IARS1: variants seen among roughly 807,000 people sequenced by gnomAD.
IARS1 encodes the protein isoleucine--tRNA ligase, cytoplasmic.
A neutral mutation model predicts 168.2 loss-of-function variants in IARS1; 124 were observed. The observed-to-expected ratio is 0.74, with a 90% CI of 0.64 to 0.86. IARS1 has a LOEUF of 0.86. IARS1 is among the 40% of genes least tolerant of loss of function. The probability of loss-of-function intolerance (pLI) is 0.00; values close to 1 mark genes in which losing one functional copy is unlikely to be tolerated. For synonymous variants in IARS1, 532 were observed against 529.4 expected (o/e 1.00, Z -0.07); for missense variants, 1,452 against 1,515.8 (o/e 0.96, Z 0.70).
chr9:92,245,285 C>A (rs79515420), intron 26 of IARS1, among the ~76,000 whole-genome samples: 1 of 152,304 alleles, frequency 6.6e-6, no homozygotes, highest in East Asian at 1.9e-4. Context: ...ACAGTTAAGT[C>A]ATCACCAGTA....
chr9:92,213,525 G>A (rs778308682), intron 33 of IARS1, among the ~76,000 whole-genome samples: 4 of 152,230 alleles, frequency 2.6e-5, no homozygotes, highest in Admixed American at 1.3e-4. Flanking sequence ...CTGAAGTGAT[G>A]TGGCCACAAG....
In IARS1 at chr9:92,223,297, C is replaced by T. The variant is rs185921740; in HGVS notation, c.3553+49G>A. On this transcript the variant is annotated intron_variant, in intron 32 of 33. Coordinates refer to ENST00000443024, the MANE Select transcript of IARS1 (RefSeq NM_002161.6). ...ACACATATTTGAATATTAAAGACAA[C>T]TTCAATGCCCAGCACCCCACAGTCT... 6 of 1,526,566 alleles carry T rather than the reference C, an allele frequency of 3.9e-6. No homozygotes were observed. The East Asian group carries it at 1.4e-4, about 35-fold the overall frequency. The allele number at this position is 1,526,566 out of a possible 1,614,324, so 94.6% of individuals were successfully genotyped here.
chr9:92,252,526 A>AGAGGCT, intron 21 of IARS1: 1 of 427,712 alleles, frequency 2.3e-6, no homozygotes, highest in East Asian at 7.0e-5. Context: ...CACTGCTTTG[A>AGAGGCT]GAGGCTGAGG....
intron 28 of IARS1, 29 bp downstream of exon 28, chr9:92,243,187 A>G (rs1167202075): frequency 6.4e-7 from 1 of 1,558,054 alleles, no homozygotes; most frequent in Non-Finnish European, 8.9e-7. Flanking sequence ...AAGCCAAAAC[A>G]GTAGCTTATT....
In IARS1 at chr9:92,229,238, T is replaced by C. The variant is rs539256193; in HGVS notation, c.3284-112A>G. The C allele has an allele frequency of 1.7e-4, 163 of 982,600 alleles. 5 individuals are homozygous for C. In the South Asian group the frequency reaches 2.6e-3, roughly 15 times the overall value. 60.9% of individuals were successfully genotyped at this position (982,600 alleles called of 1,614,324 possible). ...GTTCAAGCCCTAATATTTTTCCTTT[T>C]CCCCCAACTATACACTATATATATG... On this transcript the variant is annotated intron_variant, in intron 30 of 33. Coordinates refer to ENST00000443024, the MANE Select transcript of IARS1 (RefSeq NM_002161.6).
At position 92,250,187 on chromosome 9, in the gene IARS1, C is replaced by T; in HGVS notation, c.2532G>A (p.Lys844=). Residue 844 remains lysine (K), a splice_region_variant and synonymous_variant, in exon 24 of 34, where the codon AAG becomes AAA. Coordinates refer to ENST00000443024, the MANE Select transcript of IARS1 (RefSeq NM_002161.6). The part of the protein sequence containing the change: ...VIRDRKTIPI[K]YPLKEIVVIH... Reference sequence around the variant, plus strand: ...GTAAAATAGAAGTAAAATTTCAAACCTTTATGGGAATAGTTTTTCGGTCTC... The same window carrying T: ...GTAAAATAGAAGTAAAATTTCAAACTTTTATGGGAATAGTTTTTCGGTCTC... The T allele has an allele frequency of 6.3e-7, 1 of 1,591,992 alleles. No individual in the cohort carries two copies. The highest frequency in any genetic ancestry group is 8.6e-7 in the Non-Finnish European group (1 of 1,160,056).
At chr9:92,225,590 T>TA (rs1554723886) in intron 31 of IARS1, among the ~76,000 whole-genome samples, 1,638 of 151,336 alleles carry the variant, frequency 0.011, 40 homozygotes, top group African/African-American at 0.038. Context: ...TTTTTTTTTT[T>TA]AATCTACTAG....
chr9:92,282,531 G>A (rs1423814462), intron 6 of IARS1, among the ~76,000 whole-genome samples: 2 of 151,950 alleles, frequency 1.3e-5, no homozygotes, highest in African/African-American at 2.4e-5. Flanking sequence ...GGCACTTTGG[G>A]AGGCCAAGGC....
chr9:92,284,570 A>G (rs1024143826), intron 6 of IARS1, among the ~76,000 whole-genome samples: 11 of 152,156 alleles, frequency 7.2e-5, no homozygotes, highest in Admixed American at 6.5e-4. Context: ...GTGGATCGCA[A>G]GGTCAGGAGT....
intron 10 of IARS1, among the ~76,000 whole-genome samples, chr9:92,273,831 T>C (rs1201249889): frequency 6.6e-6 from 1 of 152,356 alleles, no homozygotes; most frequent in East Asian, 1.9e-4. Context: ...GGAATGTGTA[T>C]GTAGGTGCTA....
At chr9:92,219,968 C>T (rs374789530) in intron 33 of IARS1, among the ~76,000 whole-genome samples, 2,135 of 150,820 alleles carry the variant, frequency 0.014, 28 homozygotes, top group African/African-American at 0.049. Flanking sequence ...CACATGCACA[C>T]GTATGTTTAT....
intron 26 of IARS1, among the ~76,000 whole-genome samples, chr9:92,246,177 T>C (rs913884923): frequency 2.6e-5 from 4 of 152,234 alleles, no homozygotes; most frequent in Admixed American, 6.5e-5. Flanking sequence ...AGTTGATTAG[T>C]AATTAGTAAT....
At chr9:92,287,735 A>T in intron 4 of IARS1, 56 bp downstream of exon 4, 1 of 1,554,564 alleles carries the variant, frequency 6.4e-7, no homozygotes, top group East Asian at 2.3e-5. Context: ...AACCATTTCA[A>T]TGCCCATTTA....
intron 13 of IARS1, 139 bp downstream of exon 13, chr9:92,269,745 TA>T: frequency 1.7e-6 from 1 of 580,862 alleles, no homozygotes; most frequent in Non-Finnish European, 3.1e-6. Flanking sequence ...TTTGTGCTCC[TA>T]AACACACAGA....
At position 92,238,864 on chromosome 9, in the gene IARS1, C is replaced by T. The variant is rs546359642; in HGVS notation, c.3283+1992G>A. 1.8e-4 allele frequency among the ~76,000 whole-genome samples: 28 copies of T among 152,206 alleles called. 1 individual carries two copies. The Middle Eastern group carries it at 0.01, about 55-fold the overall frequency. ...ATTGTCTTAACTATTATTTCTTGTT[C>T]AGTAAATCCTTAATGTTGCTGGTAG... On this transcript the variant is annotated intron_variant, in intron 30 of 33. Coordinates refer to ENST00000443024, the MANE Select transcript of IARS1 (RefSeq NM_002161.6).
chr9:92,264,970 A>C lies in IARS1; in HGVS notation c.1659T>G (p.Pro553=). 1 of 1,614,150 alleles carries C rather than the reference A, an allele frequency of 6.2e-7. No individual in the cohort carries two copies. The highest frequency in any genetic ancestry group is 1.7e-5 in the Admixed American group (1 of 60,000). Residue 553 remains proline (P), a synonymous_variant, in exon 16 of 34, where the codon CCT becomes CCG. Coordinates refer to ENST00000443024, the MANE Select transcript of IARS1 (RefSeq NM_002161.6). The part of the protein sequence containing the change: ...ENKREFEDAF[P]ADFIAEGIDQ... ...CGATGCCCTCGGCAATGAAATCTGCAGGAAAAGCATCCTCAAACTCCCTCT... is the reference window on the plus strand; with the variant it reads ...CGATGCCCTCGGCAATGAAATCTGCCGGAAAAGCATCCTCAAACTCCCTCT...
intron 33 of IARS1, among the ~76,000 whole-genome samples, chr9:92,221,877 C>G (rs754672258): frequency 6.6e-6 from 1 of 152,018 alleles, no homozygotes; most frequent in Non-Finnish European, 1.5e-5. Flanking sequence ...ATTTTACAAC[C>G]CTGTGATAAT....
In IARS1 at chr9:92,277,783, C is replaced by T. The variant is rs185538100; in HGVS notation, c.894+80G>A. On this transcript the variant is annotated intron_variant, in intron 9 of 33. Transcript: ENST00000443024. ...TCAGGTACACTCATAAAAGTAATGT[C>T]AATTCCACTTCTCACAACACCCCAG... 6 of 1,171,758 alleles carry T rather than the reference C, an allele frequency of 5.1e-6. No homozygotes were observed. The South Asian group carries it at 8.3e-5, about 16-fold the overall frequency. 72.6% of individuals were successfully genotyped at this position (1,171,758 alleles called of 1,614,324 possible).
At chr9:92,281,872 T>C (rs982388234) in intron 6 of IARS1, among the ~76,000 whole-genome samples, 1 of 152,146 alleles carries the variant, frequency 6.6e-6, no homozygotes, top group Non-Finnish European at 1.5e-5. Flanking sequence ...ATGTCAGTAT[T>C]ATGAGGCATA....
Sources: gnomAD v4.1 joint callset for allele counts (sites outside exome capture counted in the v4.1 genomes callset) on GRCh38, gnomAD v4.1.1 for gene constraint, MANE v1.5 for transcripts, NCBI Gene and HGNC (gene_info 2026-07-23, HGNC 2026-07-21) for gene names.